The following CUX1 variants were observed in gnomAD, a reference collection of about 807,000 sequenced individuals.
CUX1 encodes the protein protein CASP.
Under a neutral mutation model 158.8 loss-of-function variants are expected in CUX1, and 31 were observed. That is an observed-to-expected ratio of 0.20 (90% CI 0.15 to 0.26). The LOEUF (loss-of-function observed/expected upper bound fraction) is 0.26. Among genes scored for constraint, CUX1 ranks in the 10% least tolerant of loss-of-function variants. CUX1 has a pLI of 1.00. For synonymous variants in CUX1, 879 were observed against 862.1 expected, an observed-to-expected ratio of 1.02 and a Z score of -0.34; for missense variants, 1,589 against 2,014.6, an observed-to-expected ratio of 0.79 and a Z score of 4.04.
rs869202667 is a variant in CUX1 at position 102,073,165 on chromosome 7, C to CTTTTT, written c.268+2768_268+2772dup. Among the ~76,000 whole-genome samples, 283 of 66,844 alleles carry CTTTTT rather than the reference C, an allele frequency of 4.2e-3. 54 individuals carry two copies. The highest frequency in any genetic ancestry group is 0.017 in the African/African-American group (265 of 15,556). The allele number at this position is 66,844 out of a possible 152,430, so 43.9% of individuals were successfully genotyped here. The stretch of plus-strand genomic sequence containing the variant: ...AAATAATATGTAATCTCTTTTCTTT[C>CTTTTT]TTTTTTTTTTTTTTTTTTTTTTTTC... On this transcript the variant is annotated intron_variant, in intron 4 of 23. Transcript: ENST00000292535.
intron 8 of CUX1, among the ~76,000 whole-genome samples, chr7:102,130,775 A>G (rs1554496908): frequency 6.6e-6 from 1 of 152,104 alleles, no homozygotes; most frequent in Admixed American, 6.5e-5. Flanking sequence ...GGAATAGCCT[A>G]TATTTTGACC....
chr7:102,027,112 T>C (rs1462281448), intron 2 of CUX1, among the ~76,000 whole-genome samples: 1 of 151,600 alleles, frequency 6.6e-6, no homozygotes, highest in Non-Finnish European at 1.5e-5. Flanking sequence ...GGGCCGGCCA[T>C]GGTGGCTCAT....
intron 21 of CUX1, among the ~76,000 whole-genome samples, chr7:102,233,057 A>G (rs934309786): frequency 3.9e-5 from 6 of 152,114 alleles, no homozygotes; most frequent in Non-Finnish European, 8.8e-5. Flanking sequence ...GAGGTTGTAC[A>G]AGAGAGGTCT....
chr7:102,077,752 G>A (rs192595379), intron 4 of CUX1, among the ~76,000 whole-genome samples: 3 of 152,208 alleles, frequency 2.0e-5, no homozygotes, highest in Admixed American at 6.5e-5. Context: ...TGGAATGACC[G>A]CTTCTAACAG....
chr7:102,217,602 G>T lies in CUX1; in HGVS notation c.3131-9765G>T, dbSNP rs554846125. Among the ~76,000 whole-genome samples the T allele has an allele frequency of 5.9e-5, 9 of 152,340 alleles. No homozygotes were observed. The East Asian group carries it at 1.7e-3, about 29-fold the overall frequency. On this transcript the variant is annotated intron_variant, in intron 20 of 23. Coordinates refer to ENST00000292535, the MANE Select transcript of CUX1 (RefSeq NM_181552.4). ...TGCCATGGTGTCTAGAGGGAGGGAG[G>T]CTCTGGATGGATGCGATGGTGTCTA...
intron 2 of CUX1, among the ~76,000 whole-genome samples, chr7:101,979,792 G>A (rs2129211838): frequency 6.6e-6 from 1 of 152,254 alleles, no homozygotes; most frequent in Middle Eastern, 3.4e-3. Context: ...TGGCACTACA[G>A]GTGCCCACCA....
At chr7:102,070,246 C>T (rs995952095) in intron 3 of CUX1, 93 bp from the exon 4 acceptor site, 71 of 1,061,876 alleles carry the variant, frequency 6.7e-5, no homozygotes, top group Middle Eastern at 3.0e-4. Flanking sequence ...TCCCTTGCTA[C>T]GGGAATTCAC....
intron 20 of CUX1, among the ~76,000 whole-genome samples, chr7:102,216,548 C>CCA (rs1209706680): frequency 5.6e-5 from 6 of 107,754 alleles, no homozygotes; most frequent in South Asian, 3.2e-4. Flanking sequence ...ACACACACAC[C>CCA]CACACACGCA....
Position 102,010,430 on chromosome 7 carries a change from T to C in CUX1, c.142-17668T>C, listed in dbSNP as rs76240792. Among the ~76,000 whole-genome samples, 13 of 149,472 alleles carry C rather than the reference T, an allele frequency of 8.7e-5. No homozygotes were observed. In the East Asian group the frequency reaches 2.5e-3, roughly 29 times the overall value. On this transcript the variant is annotated intron_variant, in intron 2 of 23. Coordinates refer to ENST00000292535, the MANE Select transcript of CUX1 (RefSeq NM_181552.4). ...AAAAAAAAAAAAACTGACTTGGATATGTGCTTACATAAGAAAGGGAGATTC... is the reference window on the plus strand; with the variant it reads ...AAAAAAAAAAAAACTGACTTGGATACGTGCTTACATAAGAAAGGGAGATTC...
Position 102,087,540 on chromosome 7 carries a change from G to A in CUX1, c.269-9824G>A, listed in dbSNP as rs1290856155. 1.8e-4 allele frequency among the ~76,000 whole-genome samples: 28 copies of A among 152,026 alleles called. 1 individual carries two copies. Among genetic ancestry groups the A allele is most frequent in the African/African-American group, 1.2e-4 (5 of 41,374 alleles). ...GGTTGCGGCGAGCTGAGTTCGTGCCGTTGCATTCCAGCCTGGGCAACAAGA... is the reference window on the plus strand; with the variant it reads ...GGTTGCGGCGAGCTGAGTTCGTGCCATTGCATTCCAGCCTGGGCAACAAGA... On this transcript the variant is annotated intron_variant, in intron 4 of 23. Transcript: ENST00000292535.
rs71123009 is a variant in CUX1, at chr7:102,141,789, A to ATTT, written c.675-16750_675-16748dup. On this transcript the variant is annotated intron_variant, in intron 8 of 23. Coordinates refer to ENST00000292535, the MANE Select transcript of CUX1 (RefSeq NM_181552.4). The stretch of plus-strand genomic sequence containing the variant: ...AGGTGCACACCACCACTCTCAGCTA[A>ATTT]TTTTTTTTTTTTTTTTTTTTTTTGT... 3.7e-3 allele frequency among the ~76,000 whole-genome samples: 382 copies of ATTT among 102,562 alleles called. 8 individuals carry two copies. The highest frequency in any genetic ancestry group is 8.9e-3 in the African/African-American group (231 of 25,944). The allele number at this position is 102,562 out of a possible 152,430, so 67.3% of individuals were successfully genotyped here.
chr7:102,115,432 C>T (rs782022209), intron 8 of CUX1, 159 bp downstream of exon 8: 17 of 568,120 alleles, frequency 3.0e-5, no homozygotes, highest in Admixed American at 1.5e-4. Context: ...CGTTCTAGCA[C>T]TCACTGGGTA....
At chr7:101,851,437 C>CA (rs1796252906) in intron 1 of CUX1, among the ~76,000 whole-genome samples, 1 of 152,106 alleles carries the variant, frequency 6.6e-6, no homozygotes, top group Non-Finnish European at 1.5e-5. Context: ...TCGTGTACGC[C>CA]ATGGCTTTGT....
chr7:102,165,830 G>A (rs1360356664), intron 9 of CUX1, among the ~76,000 whole-genome samples: 2 of 152,108 alleles, frequency 1.3e-5, no homozygotes, highest in African/African-American at 2.4e-5. Context: ...CACCAGCCCA[G>A]GGAGCAGAAA....
chr7:101,993,593 C>T (rs1405278706), intron 2 of CUX1, among the ~76,000 whole-genome samples: 1 of 152,140 alleles, frequency 6.6e-6, no homozygotes, highest in Non-Finnish European at 1.5e-5. Flanking sequence ...TTTTTTCATT[C>T]ATTCATATAT....
intron 22 of CUX1, among the ~76,000 whole-genome samples, chr7:102,237,082 C>T (rs536108265): frequency 3.3e-5 from 5 of 152,194 alleles, no homozygotes; most frequent in Non-Finnish European, 5.9e-5. Flanking sequence ...GGAGTCCCCA[C>T]GGTTGGACAA....
intron 1 of CUX1, among the ~76,000 whole-genome samples, chr7:101,912,453 C>T (rs558315595): frequency 4.7e-4 from 72 of 152,114 alleles, no homozygotes; most frequent in Non-Finnish European, 7.8e-4. Context: ...TATGCATTAC[C>T]ATTTGTGTAC....
intron 21 of CUX1, 69 bp downstream of exon 21, chr7:102,227,738 G>C (rs540932952): frequency 1.3e-6 from 2 of 1,521,164 alleles, no homozygotes; most frequent in Non-Finnish European, 1.8e-6. Flanking sequence ...GGTGAAGGGC[G>C]GGCCCTAGGC....
intron 2 of CUX1, among the ~76,000 whole-genome samples, chr7:101,930,308 T>C (rs1356987578): frequency 1.3e-5 from 2 of 152,244 alleles, no homozygotes; most frequent in African/African-American, 2.4e-5. Flanking sequence ...CATATCGTTA[T>C]AGCCTAAAAT....
Sources: allele counts gnomAD v4.1 joint callset (sites outside exome capture counted in the v4.1 genomes callset), GRCh38; gene constraint gnomAD v4.1.1; transcripts MANE v1.5; gene names NCBI Gene and HGNC (gene_info 2026-07-23, HGNC 2026-07-21).